The following C5orf34 variants were observed in gnomAD, a reference collection of about 807,000 sequenced individuals.
The protein encoded by C5orf34 is chromosome 5 open reading frame 34.
C5orf34 carries 73 observed loss-of-function variants against 78.4 expected under a neutral mutation model. The ratio of observed to expected loss-of-function variants is 0.93; its 90% CI spans 0.77 to 1.13. C5orf34 has a LOEUF of 1.13. C5orf34 is among the 50% of genes most tolerant of loss of function. The pLI, the probability that C5orf34 is intolerant of heterozygous loss-of-function variation, is 0.00. For missense variants in C5orf34, 730 were observed against 732.7 expected (o/e 1.00, Z 0.04); for synonymous variants, 251 against 246.6 (o/e 1.02, Z -0.17).
intron 5 of C5orf34, 102 bp from the exon 6 acceptor site, chr5:43,502,597 C>G (rs1028736057): frequency 5.0e-5 from 35 of 706,370 alleles, no homozygotes; most frequent in Non-Finnish European, 8.2e-5. Context: ...CTAAGCAAAA[C>G]AACACAGTCT....
At chr5:43,514,700 A>T (rs1399557347) in intron 1 of C5orf34, 106 bp downstream of exon 1, 1 of 152,124 alleles carries the variant, frequency 6.6e-6, no homozygotes, top group African/African-American at 2.4e-5. Flanking sequence ...AAAAATCCAC[A>T]AGTCTGTTCT....
chr5:43,497,121 G>T (rs1745564954), intron 6 of C5orf34, among the ~76,000 whole-genome samples: 1 of 151,764 alleles, frequency 6.6e-6, no homozygotes, highest in Non-Finnish European at 1.5e-5. Context: ...TACAGGCGGA[G>T]GTTACTGAAA....
Position 43,490,703 on chromosome 5 carries a change from C to T in C5orf34, c.1607G>A (p.Cys536Tyr), listed in dbSNP as rs865809745. 1.9e-6 allele frequency: 3 copies of T among 1,605,756 alleles called. No individual in the cohort carries two copies. Among genetic ancestry groups the T allele is most frequent in the African/African-American group, 2.7e-5 (2 of 74,660 alleles). Residue 536 changes from cysteine (C) to tyrosine (Y), a missense_variant, in exon 11 of 13, where the codon TGC becomes TAC. Cys to Tyr is a radical substitution (Grantham distance 194). Transcript: ENST00000306862. The stretch of plus-strand genomic sequence containing the variant: ...GGGACTAGTCTGGGTCAGTCTCCTG[C>T]ACCATGATGTTACTGTTGTCACATA... Reference protein sequence around the residue: ...ERYVTTVTSWCRRLTQTSPRE... With the variant: ...ERYVTTVTSWYRRLTQTSPRE...
intron 6 of C5orf34, chr5:43,495,398 C>T: frequency 6.2e-7 from 1 of 1,611,706 alleles, no homozygotes; most frequent in Non-Finnish European, 8.5e-7. Context: ...ATAGCCAGCG[C>T]TTATTTGGCC....
At chr5:43,492,349 G>C in intron 9 of C5orf34, 40 bp from the exon 10 acceptor site, 1 of 1,313,278 alleles carries the variant, frequency 7.6e-7, no homozygotes, top group Non-Finnish European at 1.1e-6. Context: ...TTTTAGAACT[G>C]AAAAAAAGAA....
intron 10 of C5orf34, 82 bp from the exon 11 acceptor site, chr5:43,490,811 C>A: frequency 7.3e-6 from 5 of 683,430 alleles, no homozygotes; most frequent in Admixed American, 2.9e-5. Flanking sequence ...AAAAATAAGA[C>A]AATTTGGGAA....
At chr5:43,503,192 T>G (rs920193134) in intron 5 of C5orf34, among the ~76,000 whole-genome samples, 2 of 152,186 alleles carry the variant, frequency 1.3e-5, no homozygotes, top group Non-Finnish European at 2.9e-5. Flanking sequence ...TCCTTTGTTG[T>G]GGGGTATGGA....
intron 4 of C5orf34, among the ~76,000 whole-genome samples, chr5:43,504,172 T>G (rs1050155635): frequency 2.6e-5 from 4 of 151,876 alleles, no homozygotes; most frequent in Non-Finnish European, 5.9e-5. Flanking sequence ...TTAGGCGTAG[T>G]GGCACGTGCC....
chr5:43,507,725 G>A (rs1196117499), intron 3 of C5orf34, among the ~76,000 whole-genome samples: 1 of 152,160 alleles, frequency 6.6e-6, no homozygotes, highest in Non-Finnish European at 1.5e-5. Flanking sequence ...CTTTGCCACT[G>A]AGAAAACTGC....
intron 1 of C5orf34, among the ~76,000 whole-genome samples, chr5:43,509,892 A>C (rs1313880350): frequency 2.0e-5 from 3 of 151,676 alleles, no homozygotes; most frequent in Non-Finnish European, 2.9e-5. Flanking sequence ...AGTAGCTGGG[A>C]TTACAGGTGT....
In C5orf34 at chr5:43,486,930, T is replaced by A. The variant is rs1745092425; in HGVS notation, c.1902A>T (p.Ser634=). 6.6e-7 allele frequency: 1 copy of A among 1,519,204 alleles called. No homozygotes were observed. Among genetic ancestry groups the A allele is most frequent in the African/African-American group, 1.4e-5 (1 of 70,070 alleles). The allele number at this position is 1,519,204 out of a possible 1,614,324, so 94.1% of individuals were successfully genotyped here. A position where few individuals can be genotyped will look rare whatever the true frequency, so the allele number is the denominator to read the frequency against. Reference sequence around the variant, plus strand: ...ATTCCATTTTTCACTTTTTAGAGTTTGATAGAAGACAGTCAATATCGTGAA... The same window carrying A: ...ATTCCATTTTTCACTTTTTAGAGTTAGATAGAAGACAGTCAATATCGTGAA... The part of the protein sequence containing the change: ...EILHDIDCLL[S]NSKK Residue 634 remains serine, a synonymous_variant, in exon 13 of 13, where the codon TCA becomes TCT. Coordinates refer to ENST00000306862, the MANE Select transcript of C5orf34 (RefSeq NM_198566.4).
intron 1 of C5orf34, among the ~76,000 whole-genome samples, chr5:43,512,468 C>T (rs1259342104): frequency 2.6e-5 from 4 of 152,306 alleles, no homozygotes; most frequent in Admixed American, 6.5e-5. Flanking sequence ...GACATTGTTT[C>T]GCAATGGTCG....
At chr5:43,495,031 A>G (rs948326957) in intron 6 of C5orf34, 1 of 1,403,864 alleles carries the variant, frequency 7.1e-7, no homozygotes, top group African/African-American at 1.4e-5. Flanking sequence ...CCATTCTTCC[A>G]CCACTGATTA....
Position 43,492,321 on chromosome 5 carries a change from G to A in C5orf34, c.1486-12C>T, listed in dbSNP as rs1271937800. The A allele has an allele frequency of 2.0e-6, 3 of 1,532,914 alleles. No individual in the cohort carries two copies. The highest frequency in any genetic ancestry group is 2.7e-6 in the Non-Finnish European group (3 of 1,114,276). The allele number at this position is 1,532,914 out of a possible 1,614,324, so 95.0% of individuals were successfully genotyped here. A position where few individuals can be genotyped will look rare whatever the true frequency, so the allele number is the denominator to read the frequency against. On this transcript the variant is annotated splice_polypyrimidine_tract_variant and intron_variant, in intron 9 of 12. Coordinates refer to ENST00000306862, the MANE Select transcript of C5orf34 (RefSeq NM_198566.4). ...AGACCTTGATTTACCTGAAGAAGTA[G>A]AAAGATAAGTTTTATCATTTTAGAA... is the stretch of plus-strand genomic sequence containing the variant.
Position 43,492,612 on chromosome 5 carries a change from AT to A in C5orf34, c.1485+107del, listed in dbSNP as rs1434991447. The A allele has an allele frequency of 1.3e-4, 124 of 982,936 alleles. 1 individual carries two copies. The African/African-American group carries it at 1.7e-3, about 13-fold the overall frequency. 60.9% of individuals were successfully genotyped at this position (982,936 alleles called of 1,614,324 possible). A position where few individuals can be genotyped will look rare whatever the true frequency, so the allele number is the denominator to read the frequency against. On this transcript the variant is annotated intron_variant, in intron 9 of 12. Coordinates refer to ENST00000306862, the MANE Select transcript of C5orf34 (RefSeq NM_198566.4). ...AGAGATCAGTAAAGCTTCTTGACAG[AT>A]TTTATACTTCAAAAAATGAACTGAA...
intron 4 of C5orf34, among the ~76,000 whole-genome samples, chr5:43,504,154 T>C (rs1191890171): frequency 6.6e-6 from 1 of 151,988 alleles, no homozygotes; most frequent in Non-Finnish European, 1.5e-5. Flanking sequence ...CTACTAAAAA[T>C]ACAAAAATTA....
chr5:43,502,334 G>A lies in C5orf34; in HGVS notation c.1152+38C>T, dbSNP rs373391501. 51 of 1,605,494 alleles carry A rather than the reference G, an allele frequency of 3.2e-5. 1 individual carries two copies. Among genetic ancestry groups the A allele is most frequent in the Non-Finnish European group, 4.2e-5 (49 of 1,175,178 alleles). On this transcript the variant is annotated intron_variant, in intron 6 of 12. Transcript: ENST00000306862. ...GGAATTATTTAGAAAGAGCTATACA[G>A]CAAAACTCTTCTTGAGTTGAGTTCA... is the stretch of plus-strand genomic sequence containing the variant.
intron 6 of C5orf34, chr5:43,495,201 A>G: frequency 6.2e-7 from 1 of 1,611,458 alleles, no homozygotes; most frequent in South Asian, 1.1e-5. Flanking sequence ...AAATGACCCA[A>G]AGGTGGATAG....
intron 3 of C5orf34, 41 bp from the exon 4 acceptor site, chr5:43,506,435 T>C: frequency 6.6e-7 from 1 of 1,523,060 alleles, no homozygotes. Flanking sequence ...TATTTTCTGT[T>C]AACAGTCCAA....
Sources: gnomAD v4.1 joint callset for allele counts (sites outside exome capture counted in the v4.1 genomes callset) on GRCh38, gnomAD v4.1.1 for gene constraint, MANE v1.5 for transcripts, NCBI Gene and HGNC (gene_info 2026-07-23, HGNC 2026-07-21) for gene names.